Variants in KIF26A observed in about 807,000 individuals in gnomAD.
KIF26A encodes kinesin-like protein KIF26A.
A neutral mutation model predicts 126.0 loss-of-function variants in KIF26A; 74 were observed. The ratio of observed to expected loss-of-function variants is 0.59; its 90% CI spans 0.49 to 0.71. The LOEUF is 0.71. Among genes scored for constraint, KIF26A ranks in the 30% least tolerant of loss-of-function variants. KIF26A has a pLI of 0.00. For missense variants in KIF26A, 2,984 were observed against 2,763.3 expected, an observed-to-expected ratio of 1.08 and a Z score of -1.79; for synonymous variants, 1,445 against 1,232.7, an observed-to-expected ratio of 1.17 and a Z score of -3.61.
rs1163803961 is a variant in KIF26A, at chr14:104,139,139, A to T, written c.139A>T (p.Ser47Cys). 1.9e-5 allele frequency: 29 copies of T among 1,512,154 alleles called. No homozygotes were observed. Among genetic ancestry groups the T allele is most frequent in the Admixed American group, 4.3e-5 (2 of 46,220 alleles). The allele number at this position is 1,512,154 out of a possible 1,614,324, so 93.7% of individuals were successfully genotyped here. A position where few individuals can be genotyped will look rare whatever the true frequency, so the allele number is the denominator to read the frequency against. The change falls in exon 2 of 15, where the codon AGC becomes TGC. Residue 47 changes from serine (S) to cysteine (C), a missense_variant. Transcript: ENST00000423312. ...PAGPDQDPCG[S>C]RPAPEGAGAG... Reference sequence around the variant, plus strand: ...CGGGCCCGACCAGGACCCATGCGGCAGCCGCCCTGCTCCCGAAGGCGCCGG... The same window carrying T: ...CGGGCCCGACCAGGACCCATGCGGCTGCCGCCCTGCTCCCGAAGGCGCCGG...
At chr14:104,138,878 A>G (rs2037608700) in intron 1 of KIF26A, 114 bp downstream of exon 1, 2 of 1,254,770 alleles carry the variant, frequency 1.6e-6, no homozygotes, top group Admixed American at 8.4e-5. Flanking sequence ...AGGGTAGCGG[A>G]CCCGCAGGCG....
intron 4 of KIF26A, among the ~76,000 whole-genome samples, chr14:104,160,996 C>A: frequency 6.6e-6 from 1 of 151,882 alleles, no homozygotes; most frequent in Non-Finnish European, 1.5e-5. Context: ...AGGCTGGCAC[C>A]CAGCAGAAGT....
rs74090218 is a variant in KIF26A, at chr14:104,167,501, G to A, written c.1113+453G>A. Among the ~76,000 whole-genome samples the A allele has an allele frequency of 8.7e-3, 1,318 of 152,224 alleles. 19 individuals are homozygous for A. The highest frequency in any genetic ancestry group is 0.03 in the African/African-American group (1,265 of 41,534). ...GGATGCGTGATGGGTTGATTCTGGC[G>A]CCGCGCTCCACATGGGAAGACTGCC... is the stretch of plus-strand genomic sequence containing the variant. On this transcript the variant is annotated intron_variant, in intron 5 of 14. Transcript: ENST00000423312.
rs570441048 is a variant in KIF26A at position 104,178,534 on chromosome 14, C to G, written c.5111-16C>G. Reference sequence around the variant, plus strand: ...GCCCCGCCTCTGTTCACCCTGTGCCCGGCTCTCCGTTCCAGGTCTGCAGCG... The same window carrying G: ...GCCCCGCCTCTGTTCACCCTGTGCCGGGCTCTCCGTTCCAGGTCTGCAGCG... On this transcript the variant is annotated splice_polypyrimidine_tract_variant and intron_variant, in intron 12 of 14. Transcript: ENST00000423312. The G allele has an allele frequency of 8.5e-5, 123 of 1,443,486 alleles. 1 individual carries two copies. The South Asian group carries it at 1.6e-3, about 18-fold the overall frequency. The allele number at this position is 1,443,486 out of a possible 1,614,324, so 89.4% of individuals were successfully genotyped here.
chr14:104,168,455 G>A lies in KIF26A; in HGVS notation c.1113+1407G>A, dbSNP rs2037927279. Among the ~76,000 whole-genome samples the A allele has an allele frequency of 4.6e-5, 7 of 152,332 alleles. No individual in the cohort carries two copies. The South Asian group carries it at 1.2e-3, about 27-fold the overall frequency. On this transcript the variant is annotated intron_variant, in intron 5 of 14. Coordinates refer to ENST00000423312, the MANE Select transcript of KIF26A (RefSeq NM_015656.2). ...GGTCCCTAGGGAGGGCCGCCGTGGGGCATAGGGGCTCTGGGGCGGCCTGTG... is the reference window on the plus strand; with the variant it reads ...GGTCCCTAGGGAGGGCCGCCGTGGGACATAGGGGCTCTGGGGCGGCCTGTG...
chr14:104,145,754 C>T (rs949456347), intron 2 of KIF26A, among the ~76,000 whole-genome samples: 19 of 152,356 alleles, frequency 1.2e-4, no homozygotes, highest in East Asian at 3.9e-4. Flanking sequence ...TCACCCCTGC[C>T]GCCAACGTGG....
At position 104,175,372 on chromosome 14, in the gene KIF26A, G is replaced by T; in HGVS notation, c.2584G>T (p.Gly862Cys). 1.2e-6 allele frequency: 2 copies of T among 1,600,388 alleles called. No individual in the cohort carries two copies. Among genetic ancestry groups the T allele is most frequent in the Non-Finnish European group, 8.5e-7 (1 of 1,178,018 alleles). ...CAACGAGGGTCCCTCAGGAGGTCCA[G>T]GTGGCACCGACGGAGCTCAGGCCAG... Reference protein sequence around the residue: ...DGNEGPSGGPGGTDGAQASPA... With the variant: ...DGNEGPSGGPCGTDGAQASPA... The change falls in exon 12 of 15, where the codon GGT becomes TGT. Residue 862 changes from glycine (G) to cysteine (C), a missense_variant. Transcript: ENST00000423312.
intron 5 of KIF26A, 64 bp downstream of exon 5, chr14:104,167,112 G>T: frequency 7.1e-7 from 1 of 1,410,452 alleles, no homozygotes; most frequent in Non-Finnish European, 9.3e-7. Flanking sequence ...GAAGACGCAG[G>T]AGGGGTGAGG....
chr14:104,179,580 G>T, intron 14 of KIF26A, 29 bp from the exon 15 acceptor site: 1 of 1,483,460 alleles, frequency 6.7e-7, no homozygotes. Flanking sequence ...CCTGACGCAG[G>T]TGCCCCTCCC....
At chr14:104,173,574 A>G (rs2037983522) in intron 9 of KIF26A, 61 bp downstream of exon 9, 1 of 1,505,168 alleles carries the variant, frequency 6.6e-7, no homozygotes, top group African/African-American at 1.4e-5. Context: ...AGACCCAGGC[A>G]CAGGGGCCTG....
Position 104,152,603 on chromosome 14 carries a change from C to T in KIF26A, c.735+142C>T. The T allele has an allele frequency of 4.0e-6, 3 of 747,774 alleles. No homozygotes were observed. Among genetic ancestry groups the T allele is most frequent in the East Asian group, 2.8e-5 (1 of 35,978 alleles). The allele number at this position is 747,774 out of a possible 1,614,324, so 46.3% of individuals were successfully genotyped here. ...ACGGCGGGCATGGGGGTTCCTGACACTCCTGAGGCCCCACATCAGATGCAC... is the reference window on the plus strand; with the variant it reads ...ACGGCGGGCATGGGGGTTCCTGACATTCCTGAGGCCCCACATCAGATGCAC... On this transcript the variant is annotated intron_variant, in intron 3 of 14. Transcript: ENST00000423312. The surrounding 1 kb of genome is among the most constrained non-coding windows in gnomAD (Gnocchi z 5.9).
At chr14:104,169,440 C>G (rs1412335230) in intron 5 of KIF26A, among the ~76,000 whole-genome samples, 1 of 152,202 alleles carries the variant, frequency 6.6e-6, no homozygotes, top group Non-Finnish European at 1.5e-5. Flanking sequence ...GGGCTTCTCC[C>G]TTCTCTCCAT....
intron 5 of KIF26A, among the ~76,000 whole-genome samples, chr14:104,169,375 C>T (rs1476707611): frequency 2.0e-5 from 3 of 152,236 alleles, no homozygotes; most frequent in African/African-American, 2.4e-5. Flanking sequence ...CCCAGCGCCC[C>T]GCGTTTCTTA....
rs774100360 is a variant in KIF26A at position 104,176,940 on chromosome 14, T to C, written c.4152T>C (p.Ala1384=). ...RSSPASAPPH[A]VNPARVGAAA... ...GCCCGGCCTCGGCCCCTCCGCATGC[T>C]GTGAACCCGGCGCGGGTCGGGGCTG... Residue 1384 remains alanine, a synonymous_variant, in exon 12 of 15, where the codon GCT becomes GCC. Coordinates refer to ENST00000423312, the MANE Select transcript of KIF26A (RefSeq NM_015656.2). 9 of 1,535,608 alleles carry C rather than the reference T, an allele frequency of 5.9e-6. No homozygotes were observed. In the South Asian group the frequency reaches 1.1e-4, roughly 18 times the overall value.
At chr14:104,178,439 T>C (rs2497296) in intron 12 of KIF26A, 111 bp from the exon 13 acceptor site, 575,331 of 793,100 alleles carry the variant, frequency 0.73, 211,036 homozygotes, top group African/African-American at 0.94. Flanking sequence ...CTGGACTGGA[T>C]CCCGAAGGCC....
chr14:104,179,854 C>A lies in KIF26A; in HGVS notation c.*64C>A. ...CTGGAGGACGGGACGTGGGACGGAG[C>A]GAGGATGTGGTGGGGGCTGCGGGGG... On this transcript the variant is annotated 3_prime_UTR_variant, in exon 15 of 15. Transcript: ENST00000423312. 7.3e-7 allele frequency: 1 copy of A among 1,368,900 alleles called. No homozygotes were observed. The allele number at this position is 1,368,900 out of a possible 1,614,324, so 84.8% of individuals were successfully genotyped here. A position where few individuals can be genotyped will look rare whatever the true frequency, so the allele number is the denominator to read the frequency against.
intron 13 of KIF26A, 140 bp from the exon 14 acceptor site, chr14:104,179,096 C>A: frequency 9.7e-7 from 1 of 1,028,006 alleles, no homozygotes; most frequent in Non-Finnish European, 1.3e-6. Flanking sequence ...CCCAGGTCCG[C>A]CCCCTGCCCG....
intron 12 of KIF26A, 95 bp downstream of exon 12, chr14:104,177,993 G>A: frequency 7.7e-7 from 1 of 1,298,458 alleles, no homozygotes; most frequent in Non-Finnish European, 1.0e-6. Flanking sequence ...GGAGATGCTG[G>A]ACAGATGGGC....
rs2038048963 is a variant in KIF26A at position 104,177,651 on chromosome 14, G to T, written c.4863G>T (p.Arg1621=). The T allele has an allele frequency of 6.6e-7, 1 of 1,526,166 alleles. No homozygotes were observed. 94.5% of individuals were successfully genotyped at this position (1,526,166 alleles called of 1,614,324 possible). ...SPYSKVTAPR[R]PQRYSSGHGS... is the part of the protein sequence containing the mutation. ...ACAGCAAGGTGACCGCCCCACGGCG[G>T]CCCCAGCGCTACAGCAGCGGCCATG... The change falls in exon 12 of 15, where the codon CGG becomes CGT. Residue 1621 remains arginine, a synonymous_variant. Coordinates refer to ENST00000423312, the MANE Select transcript of KIF26A (RefSeq NM_015656.2).
Sources: allele counts gnomAD v4.1 joint callset (sites outside exome capture counted in the v4.1 genomes callset), GRCh38; gene constraint gnomAD v4.1.1; non-coding constraint Gnocchi (gnomAD v3.1); transcripts MANE v1.5; gene names NCBI Gene and HGNC (gene_info 2026-07-23, HGNC 2026-07-21).